Variants in CSMD1 observed in about 807,000 individuals in gnomAD.
The protein encoded by CSMD1 is CUB and Sushi multiple domains 1, also known as CUB and sushi domain-containing protein 1.
Under a neutral mutation model 417.5 loss-of-function variants are expected in CSMD1, and 213 were observed. The observed-to-expected ratio is 0.51, with a 90% CI of 0.46 to 0.57. The LOEUF (loss-of-function observed/expected upper bound fraction) is 0.57, where lower values mean the gene tolerates loss of function less well. Among genes scored for constraint, CSMD1 ranks in the 20% least tolerant of loss-of-function variants. The pLI, the probability that CSMD1 is intolerant of heterozygous loss-of-function variation, is 0.00. For synonymous variants in CSMD1, 2,862 were observed against 1,736.8 expected, an observed-to-expected ratio of 1.65 and a Z score of -16.11; for missense variants, 6,923 against 4,529.7, an observed-to-expected ratio of 1.53 and a Z score of -15.17.
chr8:3,791,838 T>A (rs548686896), intron 5 of CSMD1, among the ~76,000 whole-genome samples: 7 of 145,402 alleles, frequency 4.8e-5, no homozygotes, highest in Non-Finnish European at 6.0e-5. Flanking sequence ...ATAATAATAA[T>A]AAAAAAATAA....
At chr8:3,621,270 G>A (rs185920587) in intron 7 of CSMD1, among the ~76,000 whole-genome samples, 1 of 152,274 alleles carries the variant, frequency 6.6e-6, no homozygotes, top group African/African-American at 2.4e-5. Context: ...CAAAGACATA[G>A]GTTGGCAGGA....
chr8:4,826,145 A>G (rs1298407391), intron 1 of CSMD1, among the ~76,000 whole-genome samples: 1 of 152,130 alleles, frequency 6.6e-6, no homozygotes, highest in Non-Finnish European at 1.5e-5. Context: ...TATATATCCA[A>G]CAGAATTCAA....
chr8:4,065,458 T>C (rs1475843814), intron 3 of CSMD1, among the ~76,000 whole-genome samples: 1 of 152,238 alleles, frequency 6.6e-6, no homozygotes, highest in African/African-American at 2.4e-5. Flanking sequence ...AATTTGGCTT[T>C]TCTTTTACTG....
chr8:4,549,586 T>G (rs1797775773), intron 2 of CSMD1, among the ~76,000 whole-genome samples: 1 of 152,020 alleles, frequency 6.6e-6, no homozygotes, highest in Non-Finnish European at 1.5e-5. Flanking sequence ...CTGGCACTCT[T>G]GGATCAACAA....
intron 10 of CSMD1, among the ~76,000 whole-genome samples, chr8:3,528,591 C>G (rs766668354): frequency 7.2e-5 from 11 of 152,182 alleles, no homozygotes; most frequent in Non-Finnish European, 1.6e-4. Flanking sequence ...GTATACAACA[C>G]ACAATTTGAA....
chr8:3,536,342 T>C (rs1251517786), intron 10 of CSMD1, among the ~76,000 whole-genome samples: 13 of 152,246 alleles, frequency 8.5e-5, no homozygotes, highest in Non-Finnish European at 1.5e-5. Flanking sequence ...CTTCAATTAA[T>C]GTTAACACTT....
intron 26 of CSMD1, chr8:3,278,928 C>T (rs982459021): frequency 1.3e-5 from 2 of 152,278 alleles, no homozygotes; most frequent in South Asian, 4.1e-4. Flanking sequence ...GTAACTGGGT[C>T]AGTTTCTTAA....
chr8:3,072,078 G>A (rs1229999525), intron 49 of CSMD1, among the ~76,000 whole-genome samples: 1 of 152,166 alleles, frequency 6.6e-6, no homozygotes, highest in Non-Finnish European at 1.5e-5. Flanking sequence ...TTTTTTAGAA[G>A]AAAATCAATA....
intron 2 of CSMD1, among the ~76,000 whole-genome samples, chr8:4,626,706 C>A (rs752581203): frequency 6.6e-6 from 1 of 152,040 alleles, no homozygotes; most frequent in Non-Finnish European, 1.5e-5. Flanking sequence ...GACGTCTCCC[C>A]ATCCTGACCT....
chr8:3,493,762 C>A (rs1444547171), intron 10 of CSMD1, 36 bp from the exon 11 acceptor site: 3 of 1,542,324 alleles, frequency 1.9e-6, no homozygotes, highest in Admixed American at 3.7e-5. Flanking sequence ...CTTAGAACAA[C>A]AGGTACTTCC....
chr8:4,880,549 C>T (rs1803324692), intron 1 of CSMD1, among the ~76,000 whole-genome samples: 1 of 152,076 alleles, frequency 6.6e-6, no homozygotes, highest in Non-Finnish European at 1.5e-5. Context: ...GCCTCCTCCT[C>T]TGAAATCCTC....
chr8:4,160,078 T>A (rs1172162799), intron 3 of CSMD1, among the ~76,000 whole-genome samples: 1 of 138,320 alleles, frequency 7.2e-6, no homozygotes, highest in African/African-American at 2.7e-5. Flanking sequence ...TCCAAAAGTA[T>A]GGAATTTAAA....
intron 3 of CSMD1, among the ~76,000 whole-genome samples, chr8:4,147,549 A>T (rs959116606): frequency 6.6e-6 from 1 of 152,136 alleles, no homozygotes; most frequent in Admixed American, 6.5e-5. Context: ...TTAATTAGTC[A>T]TGTATAAACC....
chr8:3,550,694 T>C (rs1045412537), intron 10 of CSMD1, among the ~76,000 whole-genome samples: 3 of 152,220 alleles, frequency 2.0e-5, no homozygotes, highest in African/African-American at 7.2e-5. Flanking sequence ...AATCTTGCTA[T>C]TTGTTTGCTT....
At chr8:3,989,805 G>C (rs1037060012) in intron 5 of CSMD1, among the ~76,000 whole-genome samples, 1 of 152,190 alleles carries the variant, frequency 6.6e-6, no homozygotes, top group African/African-American at 2.4e-5. Flanking sequence ...GATAGCACGT[G>C]CCAACAGGAA....
In CSMD1 at chr8:3,308,510, G is replaced by C. The variant is rs1016389477; in HGVS notation, c.3632-7C>G. ...CATTTTACCAGATCAAAACCTGCAA[G>C]AGAGAAAGGCAAGGAATGAACAGAA... On this transcript the variant is annotated splice_region_variant and splice_polypyrimidine_tract_variant and intron_variant, in intron 23 of 69. Coordinates refer to ENST00000635120, the MANE Select transcript of CSMD1 (RefSeq NM_033225.6). 10 of 1,605,488 alleles carry C rather than the reference G, an allele frequency of 6.2e-6. No homozygotes were observed. The East Asian group carries it at 6.7e-5, about 11-fold the overall frequency.
chr8:4,230,964 A>G (rs1024687454), intron 3 of CSMD1, among the ~76,000 whole-genome samples: 2 of 152,130 alleles, frequency 1.3e-5, no homozygotes, highest in Admixed American at 6.5e-5. Context: ...TGCTTAGATT[A>G]TTTCATTTGC....
At chr8:4,276,711 C>T (rs1272505224) in intron 3 of CSMD1, among the ~76,000 whole-genome samples, 3 of 151,978 alleles carry the variant, frequency 2.0e-5, no homozygotes, top group African/African-American at 4.8e-5. Flanking sequence ...AGTGGGATCC[C>T]AATTTTAATA....
intron 19 of CSMD1, among the ~76,000 whole-genome samples, chr8:3,368,990 G>A (rs556457304): frequency 6.6e-5 from 10 of 152,164 alleles, no homozygotes; most frequent in Admixed American, 2.6e-4. Flanking sequence ...TCCTTACCAC[G>A]ATAGCTATAT....
Sources: allele counts gnomAD v4.1 joint callset (sites outside exome capture counted in the v4.1 genomes callset), GRCh38; gene constraint gnomAD v4.1.1; transcripts MANE v1.5; gene names NCBI Gene and HGNC (gene_info 2026-07-23, HGNC 2026-07-21).